Variants in ZNF100 observed in about 807,000 individuals in gnomAD.
The protein encoded by ZNF100 is zinc finger protein 100 (Y1).
In ZNF100, 12 loss-of-function variants were observed where a neutral mutation model predicts 15.8. That is an observed-to-expected ratio of 0.76 (90% CI 0.49 to 1.23). ZNF100 has a LOEUF of 1.23. Ranked by LOEUF, ZNF100 falls within the 50% of genes most tolerant of loss-of-function variation. The pLI, the probability that ZNF100 is intolerant of heterozygous loss-of-function variation, is 0.00. For missense variants in ZNF100, 670 were observed against 635.6 expected (o/e 1.05, Z -0.58); for synonymous variants, 226 against 214.8 (o/e 1.05, Z -0.45).
intron 4 of ZNF100, among the ~76,000 whole-genome samples, chr19:21,739,487 C>CT (rs34526651): frequency 0.76 from 115,837 of 151,962 alleles, 45,328 homozygotes; most frequent in Non-Finnish European, 0.85. Flanking sequence ...GTCAAGCAGG[C>CT]TGAGGTTGCA....
Position 21,751,008 on chromosome 19 carries a change from C to T in ZNF100, c.97-5941G>A, listed in dbSNP as rs1164365194. Reference sequence around the variant, plus strand: ...TCTGTGGAGCCTACCAGTTGGATTTCGCAGCGGGCGAGGGCCACCACCTGC... The same window carrying T: ...TCTGTGGAGCCTACCAGTTGGATTTTGCAGCGGGCGAGGGCCACCACCTGC... On this transcript the variant is annotated intron_variant, in intron 2 of 4. Transcript: ENST00000358296. The T allele has an allele frequency of 9.0e-6, 11 of 1,228,720 alleles. No homozygotes were observed. In the East Asian group the frequency reaches 9.4e-5, roughly 10 times the overall value. 76.1% of individuals were successfully genotyped at this position (1,228,720 alleles called of 1,614,324 possible).
intron 2 of ZNF100, among the ~76,000 whole-genome samples, chr19:21,756,001 T>C (rs1273483031): frequency 6.6e-6 from 1 of 152,138 alleles, no homozygotes; most frequent in East Asian, 1.9e-4. Flanking sequence ...ATGGCACACA[T>C]ACCTATGTAA....
At chr19:21,742,067 A>G (rs4258746) in intron 4 of ZNF100, among the ~76,000 whole-genome samples, 152,200 of 152,212 alleles carry the variant, frequency 1, 76,094 homozygotes, top group Middle Eastern at 1. Context: ...AGGCTGAGGC[A>G]GAGCGATCAC....
intron 2 of ZNF100, among the ~76,000 whole-genome samples, chr19:21,757,033 G>A (rs1047052048): frequency 5.3e-5 from 8 of 152,256 alleles, no homozygotes; most frequent in African/African-American, 1.4e-4. Flanking sequence ...GGGAGAGGTG[G>A]CTCACACCTG....
At chr19:21,763,958 A>G (rs2036521364) in intron 2 of ZNF100, among the ~76,000 whole-genome samples, 2 of 152,204 alleles carry the variant, frequency 1.3e-5, no homozygotes, top group Non-Finnish European at 2.9e-5. Flanking sequence ...AAGTCTAGAA[A>G]CTGCCTTAAA....
In ZNF100 at chr19:21,726,884, CTTA is replaced by C. The variant is rs1308181893; in HGVS notation, c.1425_1427del (p.His475_Lys476delinsGln). 1 of 1,612,618 alleles carries C rather than the reference CTTA, an allele frequency of 6.2e-7. No homozygotes were observed. Among genetic ancestry groups the C allele is most frequent in the East Asian group, 2.2e-5 (1 of 44,700 alleles). ...AGGGTTTCTCTCCAGTATGAATCAT[CTTA>C]TGTGCAGTTAGTTGTGAGGACCGGT... On this transcript the variant is annotated inframe_deletion, in exon 5 of 5. Coordinates refer to ENST00000358296, the MANE Select transcript of ZNF100 (RefSeq NM_173531.4).
In ZNF100 at chr19:21,767,516, G is replaced by C. The variant is rs1319220445; in HGVS notation, c.-87C>G. On this transcript the variant is annotated 5_prime_UTR_variant, in exon 1 of 5. Coordinates refer to ENST00000358296, the MANE Select transcript of ZNF100 (RefSeq NM_173531.4). ...AGGGCCACACAGGCTAGGCCCCTAGGAGCAGAAGACACAGAGAAGTGAGAG... is the reference window on the plus strand; with the variant it reads ...AGGGCCACACAGGCTAGGCCCCTAGCAGCAGAAGACACAGAGAAGTGAGAG... 2.5e-6 allele frequency: 4 copies of C among 1,585,058 alleles called. No homozygotes were observed. The African/African-American group carries it at 5.4e-5, about 21-fold the overall frequency.
At chr19:21,745,520 T>C (rs1331242133) in intron 2 of ZNF100, among the ~76,000 whole-genome samples, 2 of 151,492 alleles carry the variant, frequency 1.3e-5, no homozygotes, top group African/African-American at 4.8e-5. Context: ...TTTCTTTCTT[T>C]TTTTTTTTTT....
At chr19:21,749,095 G>A (rs1230993866) in intron 2 of ZNF100, among the ~76,000 whole-genome samples, 2 of 152,142 alleles carry the variant, frequency 1.3e-5, no homozygotes, top group Admixed American at 6.5e-5. Context: ...CCAGTTGCTA[G>A]TCTAGAGCAA....
chr19:21,723,738 C>T lies in ZNF100; in HGVS notation c.*2945G>A, dbSNP rs1283749603. On this transcript the variant is annotated 3_prime_UTR_variant, in exon 5 of 5. Coordinates refer to ENST00000358296, the MANE Select transcript of ZNF100 (RefSeq NM_173531.4). ...TTACTATGGAGCATCTGTTACACAGCAAGAACTGTCATGTATGTTTGCTAC... is the reference window on the plus strand; with the variant it reads ...TTACTATGGAGCATCTGTTACACAGTAAGAACTGTCATGTATGTTTGCTAC... 3 of 152,158 alleles carry T rather than the reference C, an allele frequency of 2.0e-5. No individual in the cohort carries two copies. Among genetic ancestry groups the T allele is most frequent in the Non-Finnish European group, 4.4e-5 (3 of 68,040 alleles). The allele number at this position is 152,158 out of a possible 1,614,324, so 9.4% of individuals were successfully genotyped here.
chr19:21,744,573 TG>T (rs796885634), intron 3 of ZNF100, among the ~76,000 whole-genome samples: 3 of 152,180 alleles, frequency 2.0e-5, no homozygotes, highest in African/African-American at 7.2e-5. Flanking sequence ...GGTTTCACTT[TG>T]TTGGCAAGGC....
intron 2 of ZNF100, among the ~76,000 whole-genome samples, chr19:21,764,591 G>A (rs1209493748): frequency 6.6e-6 from 1 of 151,516 alleles, no homozygotes; most frequent in Non-Finnish European, 1.5e-5. Flanking sequence ...AGTGAGCCAA[G>A]ATGGTGCCAT....
chr19:21,740,345 C>T (rs954455973), intron 4 of ZNF100, among the ~76,000 whole-genome samples: 1 of 152,020 alleles, frequency 6.6e-6, no homozygotes, highest in Admixed American at 6.6e-5. Flanking sequence ...AAAAAACTAA[C>T]GAATCTCTTA....
intron 2 of ZNF100, among the ~76,000 whole-genome samples, chr19:21,745,571 G>A (rs1416451848): frequency 2.0e-5 from 3 of 151,110 alleles, no homozygotes; most frequent in East Asian, 1.9e-4. Context: ...GCCGGACTGC[G>A]GACTGCAGTG....
Position 21,725,861 on chromosome 19 carries a change from G to A in ZNF100, c.*822C>T, listed in dbSNP as rs866089541. On this transcript the variant is annotated 3_prime_UTR_variant, in exon 5 of 5. Coordinates refer to ENST00000358296, the MANE Select transcript of ZNF100 (RefSeq NM_173531.4). ...TACATATTTCTACTGTAAATTCTCT[G>A]ATATTTACAGACTTAATGATTAAAA... 1 of 143,594 alleles carries A rather than the reference G, an allele frequency of 7.0e-6. No individual in the cohort carries two copies. Among genetic ancestry groups the A allele is most frequent in the South Asian group, 2.4e-4 (1 of 4,100 alleles). The allele number at this position is 143,594 out of a possible 1,614,324, so 8.9% of individuals were successfully genotyped here.
At chr19:21,765,655 G>A (rs1282199480) in intron 2 of ZNF100, 39 bp downstream of exon 2, 1 of 1,582,444 alleles carries the variant, frequency 6.3e-7, no homozygotes, top group Non-Finnish European at 8.7e-7. Context: ...AATGAAAGCT[G>A]GGTTGGGTGA....
intron 2 of ZNF100, among the ~76,000 whole-genome samples, chr19:21,763,778 A>G (rs777459453): frequency 6.6e-6 from 1 of 152,130 alleles, no homozygotes; most frequent in Non-Finnish European, 1.5e-5. Flanking sequence ...TCCAACTGCC[A>G]TTCCCTTCCC....
At chr19:21,767,324 T>C in intron 1 of ZNF100, 103 bp downstream of exon 1, 1 of 1,592,998 alleles carries the variant, frequency 6.3e-7, no homozygotes, top group Admixed American at 1.7e-5. Context: ...GCGCAGATTG[T>C]GAAGCTGACT....
chr19:21,747,182 C>A (rs1397133825), intron 2 of ZNF100, among the ~76,000 whole-genome samples: 1 of 152,198 alleles, frequency 6.6e-6, no homozygotes, highest in Non-Finnish European at 1.5e-5. Context: ...CCAAACAGAA[C>A]AGGTATCGTA....
Sources: gnomAD v4.1 joint callset for allele counts (sites outside exome capture counted in the v4.1 genomes callset) on GRCh38, gnomAD v4.1.1 for gene constraint, MANE v1.5 for transcripts, NCBI Gene and HGNC (gene_info 2026-07-23, HGNC 2026-07-21) for gene names.